Variants in DPP6 observed in about 807,000 individuals in gnomAD.
DPP6 encodes dipeptidyl peptidase like 6, also known as A-type potassium channel modulatory protein DPP6.
DPP6 carries 69 observed loss-of-function variants against 122.6 expected under a neutral mutation model. The ratio of observed to expected loss-of-function variants is 0.56; its 90% CI spans 0.46 to 0.69. The LOEUF (loss-of-function observed/expected upper bound fraction) is 0.69. DPP6 is among the 30% of genes least tolerant of loss of function. The probability of loss-of-function intolerance (pLI) is 0.00; values close to 1 mark genes in which losing one functional copy is unlikely to be tolerated. For synonymous variants in DPP6, 418 were observed against 433.1 expected (o/e 0.97, Z 0.43); for missense variants, 928 against 1,116.9 (o/e 0.83, Z 2.41).
intron 1 of DPP6, among the ~76,000 whole-genome samples, chr7:154,380,666 T>C (rs1813516693): frequency 6.6e-6 from 1 of 152,164 alleles, no homozygotes; most frequent in African/African-American, 2.4e-5. Context: ...CCATTCATGC[T>C]TTTCCTTCTT....
chr7:154,496,978 C>A (rs545729401), intron 3 of DPP6, among the ~76,000 whole-genome samples: 2 of 152,162 alleles, frequency 1.3e-5, no homozygotes, highest in African/African-American at 2.4e-5. Context: ...TTCACTCATG[C>A]AGCATTGTGT....
chr7:154,869,088 G>A (rs1329846988), intron 18 of DPP6, among the ~76,000 whole-genome samples: 3 of 152,202 alleles, frequency 2.0e-5, no homozygotes, highest in East Asian at 3.9e-4. Context: ...AGAGCTCGGC[G>A]GAAAGCGTGT....
intron 16 of DPP6, among the ~76,000 whole-genome samples, chr7:154,816,315 C>T (rs1453265517): frequency 6.6e-6 from 1 of 152,136 alleles, no homozygotes; most frequent in Non-Finnish European, 1.5e-5. Context: ...ACTTTTATTA[C>T]AGTATATTGT....
At chr7:154,031,288 C>T (rs1799214986) in intron 1 of DPP6, among the ~76,000 whole-genome samples, 2 of 148,868 alleles carry the variant, frequency 1.3e-5, no homozygotes, top group South Asian at 4.3e-4. Flanking sequence ...TGCCAAGAGG[C>T]CCTCCCTAAC....
chr7:154,324,575 C>G (rs1808259458), intron 1 of DPP6, among the ~76,000 whole-genome samples: 1 of 152,182 alleles, frequency 6.6e-6, no homozygotes, highest in Non-Finnish European at 1.5e-5. Context: ...TGATTGCACT[C>G]ACCTTTTGTT....
At chr7:154,620,420 A>C (rs1426169976) in intron 5 of DPP6, among the ~76,000 whole-genome samples, 5 of 152,308 alleles carry the variant, frequency 3.3e-5, no homozygotes, top group Non-Finnish European at 5.9e-5. Context: ...TCAAAGGCAA[A>C]ACATACTGTG....
intron 1 of DPP6, among the ~76,000 whole-genome samples, chr7:154,226,120 G>A (rs1358126558): frequency 4.6e-5 from 7 of 152,110 alleles, no homozygotes; most frequent in Non-Finnish European, 8.8e-5. Flanking sequence ...ATGGAGAAGT[G>A]GGAGGAAGAG....
intron 5 of DPP6, among the ~76,000 whole-genome samples, chr7:154,632,683 G>A (rs1011624050): frequency 2.0e-5 from 3 of 152,066 alleles, no homozygotes; most frequent in Non-Finnish European, 4.4e-5. Context: ...TTTAGGTTAC[G>A]GTTTAAAATC....
chr7:154,753,686 C>T (rs1460000635), intron 8 of DPP6, among the ~76,000 whole-genome samples: 3 of 152,132 alleles, frequency 2.0e-5, no homozygotes, highest in East Asian at 1.9e-4. Flanking sequence ...TTCCGTAACC[C>T]GGGAAATTTT....
At chr7:154,769,887 T>G (rs1796149546) in intron 9 of DPP6, among the ~76,000 whole-genome samples, 1 of 152,126 alleles carries the variant, frequency 6.6e-6, no homozygotes, top group Admixed American at 6.5e-5. Context: ...TCACGCATCT[T>G]ATTTCTACTT....
intron 10 of DPP6, among the ~76,000 whole-genome samples, chr7:154,780,438 G>T (rs11762488): frequency 0.28 from 42,994 of 152,130 alleles, 6,415 homozygotes; most frequent in East Asian, 0.4. Context: ...TGATTGGTTG[G>T]TTGGCAGGCT....
At chr7:154,774,198 T>C (rs942455868) in intron 10 of DPP6, among the ~76,000 whole-genome samples, 1 of 152,126 alleles carries the variant, frequency 6.6e-6, no homozygotes, top group African/African-American at 2.4e-5. Flanking sequence ...CAGGGACAAC[T>C]GGTCACTGGG....
intron 4 of DPP6, among the ~76,000 whole-genome samples, chr7:154,554,431 C>A (rs533774656): frequency 6.6e-6 from 1 of 152,196 alleles, no homozygotes; most frequent in South Asian, 2.1e-4. Context: ...TTCTACCATT[C>A]ATTTCCCTTC....
the DPP6 span, among the ~76,000 whole-genome samples, chr7:153,864,375 C>T: frequency 3.9e-5 from 6 of 152,046 alleles, no homozygotes; most frequent in Non-Finnish European, 8.8e-5. Context: ...ATGCTTGGGG[C>T]CGGGCGTGGT....
chr7:154,523,950 A>G (rs900829344), intron 3 of DPP6, among the ~76,000 whole-genome samples: 13 of 152,216 alleles, frequency 8.5e-5, no homozygotes, highest in African/African-American at 2.9e-4. Flanking sequence ...AGCATCCATC[A>G]TTGATCCTTA....
At chr7:154,231,745 G>A (rs1309502347) in intron 1 of DPP6, among the ~76,000 whole-genome samples, 1 of 152,184 alleles carries the variant, frequency 6.6e-6, no homozygotes, top group Non-Finnish European at 1.5e-5. Context: ...GATGAGAGAG[G>A]ACCTTTCAGT....
At chr7:153,974,518 A>G (rs569990155) in intron 1 of DPP6, among the ~76,000 whole-genome samples, 57 of 152,186 alleles carry the variant, frequency 3.7e-4, no homozygotes, top group African/African-American at 1.2e-3. Flanking sequence ...GAATGTGTCA[A>G]TGTGCAAGAG....
chr7:154,471,966 G>A (rs1246738036), intron 2 of DPP6, among the ~76,000 whole-genome samples: 1 of 152,114 alleles, frequency 6.6e-6, no homozygotes, highest in Non-Finnish European at 1.5e-5. Context: ...ATATTGACAA[G>A]TAGGAGATTG....
chr7:154,375,895 T>G (rs1175704933), intron 1 of DPP6, among the ~76,000 whole-genome samples: 1 of 151,944 alleles, frequency 6.6e-6, no homozygotes, highest in African/African-American at 2.4e-5. Context: ...GGACGCAGAG[T>G]GAGGAAGAGT....
Sources: allele counts gnomAD v4.1 joint callset (sites outside exome capture counted in the v4.1 genomes callset), GRCh38; gene constraint gnomAD v4.1.1; transcripts MANE v1.5; gene names NCBI Gene and HGNC (gene_info 2026-07-23, HGNC 2026-07-21).